Variants in FAM222A observed in about 807,000 individuals in gnomAD.
The protein encoded by FAM222A is protein FAM222A.
Under a neutral mutation model 25.8 loss-of-function variants are expected in FAM222A, and 7 were observed. The ratio of observed to expected loss-of-function variants is 0.27; its 90% CI spans 0.15 to 0.51. The LOEUF (loss-of-function observed/expected upper bound fraction) is 0.51. Ranked by LOEUF, FAM222A falls within the 20% of genes least tolerant of loss-of-function variation. The pLI, the probability that FAM222A is intolerant of heterozygous loss-of-function variation, is 0.97. For synonymous variants in FAM222A, 294 were observed against 298.8 expected (o/e 0.98, Z 0.17); for missense variants, 573 against 640.5 (o/e 0.89, Z 1.14).
intron 2 of FAM222A, among the ~76,000 whole-genome samples, chr12:109,752,255 C>T (rs985768007): frequency 6.6e-6 from 1 of 152,240 alleles, no homozygotes; most frequent in East Asian, 1.9e-4. Flanking sequence ...GCTTCCCCCG[C>T]CCATTCAGAT....
chr12:109,729,025 C>T (rs867838435), intron 1 of FAM222A, among the ~76,000 whole-genome samples: 27 of 151,278 alleles, frequency 1.8e-4, no homozygotes, highest in African/African-American at 6.6e-4. Flanking sequence ...CACATGGCTG[C>T]CCAGGACACC....
rs147872744 is a variant in FAM222A, at chr12:109,743,947, C to T, written c.-46-154C>T. ...AGATGGGCCTCTTGATGCCTCAGGC[C>T]TTGGTCCCCTCATTGGTCGAATAAG... is the stretch of plus-strand genomic sequence containing the variant. On this transcript the variant is annotated intron_variant, in intron 1 of 2. Transcript: ENST00000538780. The T allele has an allele frequency of 7.1e-4, 696 of 985,414 alleles. 5 individuals carry two copies. The African/African-American group carries it at 0.012, about 16-fold the overall frequency. The allele number at this position is 985,414 out of a possible 1,614,324, so 61.0% of individuals were successfully genotyped here.
rs148136763 is a variant in FAM222A at position 109,769,093 on chromosome 12, C to G, written c.1164C>G (p.Leu388=). Residue 388 remains leucine (L), a synonymous_variant, in exon 3 of 3, where the codon CTC becomes CTG. Transcript: ENST00000538780. The part of the protein sequence containing the change: ...RELAGPPADA[L]SGLPSKSVCN... ...TGGCTGGGCCCCCTGCAGATGCCCT[C>G]TCGGGCCTGCCCAGCAAGAGTGTGT... 4 of 1,607,326 alleles carry G rather than the reference C, an allele frequency of 2.5e-6. No individual in the cohort carries two copies. Among genetic ancestry groups the G allele is most frequent in the East Asian group, 2.2e-5 (1 of 44,684 alleles).
At chr12:109,758,246 G>A (rs1247233952) in intron 2 of FAM222A, among the ~76,000 whole-genome samples, 1 of 152,158 alleles carries the variant, frequency 6.6e-6, no homozygotes, top group East Asian at 1.9e-4. Context: ...ATGAGAGGCA[G>A]GGTCCTTTGT....
intron 1 of FAM222A, among the ~76,000 whole-genome samples, chr12:109,717,349 T>G (rs1887663901): frequency 6.6e-6 from 1 of 152,142 alleles, no homozygotes; most frequent in Non-Finnish European, 1.5e-5. Flanking sequence ...TGGGCTTGCT[T>G]GGAGGGAGGC....
At chr12:109,720,319 C>A in intron 1 of FAM222A, 1 of 485,190 alleles carries the variant, frequency 2.1e-6, no homozygotes, top group Non-Finnish European at 2.7e-6. Context: ...CTTAATGACC[C>A]AGAGTCTGTG....
rs1474328918 is a variant in FAM222A at position 109,770,086 on chromosome 12, G to A, written c.*798G>A. ...CAATTTTCTGCATCTTGAGGAAGGGGCGTCATTTTCCTGTTCGCACAAAGG... is the reference window on the plus strand; with the variant it reads ...CAATTTTCTGCATCTTGAGGAAGGGACGTCATTTTCCTGTTCGCACAAAGG... On this transcript the variant is annotated 3_prime_UTR_variant, in exon 3 of 3. Coordinates refer to ENST00000538780, the MANE Select transcript of FAM222A (RefSeq NM_032829.3). The A allele has an allele frequency of 6.6e-6, 1 of 152,262 alleles. No homozygotes were observed. Among genetic ancestry groups the A allele is most frequent in the East Asian group, 1.9e-4 (1 of 5,198 alleles). The allele number at this position is 152,262 out of a possible 1,614,324, so 9.4% of individuals were successfully genotyped here.
intron 1 of FAM222A, among the ~76,000 whole-genome samples, chr12:109,727,042 C>T (rs1253003223): frequency 6.6e-6 from 1 of 152,142 alleles, no homozygotes; most frequent in Non-Finnish European, 1.5e-5. Flanking sequence ...GGCTCCTGCC[C>T]AGGTTCCTCG....
chr12:109,740,283 G>A (rs1888203368), intron 1 of FAM222A, among the ~76,000 whole-genome samples: 1 of 152,150 alleles, frequency 6.6e-6, no homozygotes, highest in Non-Finnish European at 1.5e-5. Context: ...TTCCTCGGGT[G>A]TCTCCGAGAT....
At chr12:109,740,431 T>C (rs1379585276) in intron 1 of FAM222A, among the ~76,000 whole-genome samples, 2 of 152,188 alleles carry the variant, frequency 1.3e-5, no homozygotes, top group Non-Finnish European at 2.9e-5. Context: ...CAGTCTGATT[T>C]GCAGATAGGG....
chr12:109,744,531 T>C (rs1351804976), intron 2 of FAM222A: 1 of 985,390 alleles, frequency 1.0e-6, no homozygotes, highest in Non-Finnish European at 1.2e-6. Context: ...CACCATTATC[T>C]AGCCATGTGT....
At chr12:109,718,068 C>T (rs1300895389) in intron 1 of FAM222A, among the ~76,000 whole-genome samples, 1 of 152,188 alleles carries the variant, frequency 6.6e-6, no homozygotes, top group African/African-American at 2.4e-5. Flanking sequence ...GTGAGAAGGA[C>T]CATAGCACTC....
At chr12:109,760,275 G>A (rs960613955) in intron 2 of FAM222A, among the ~76,000 whole-genome samples, 4 of 152,168 alleles carry the variant, frequency 2.6e-5, no homozygotes, top group African/African-American at 4.8e-5. Flanking sequence ...ATACAGACCC[G>A]GAGAGCAGTC....
chr12:109,751,539 G>A (rs1888559040), intron 2 of FAM222A, among the ~76,000 whole-genome samples: 1 of 152,196 alleles, frequency 6.6e-6, no homozygotes, highest in African/African-American at 2.4e-5. Flanking sequence ...TCAGGTTGGG[G>A]AAAAGCCAGG....
chr12:109,758,662 G>A (rs1015248400), intron 2 of FAM222A, among the ~76,000 whole-genome samples: 1 of 152,108 alleles, frequency 6.6e-6, no homozygotes, highest in East Asian at 1.9e-4. Context: ...ACTCCTGGGC[G>A]ACCTCATTAG....
intron 1 of FAM222A, among the ~76,000 whole-genome samples, chr12:109,720,789 C>T (rs1224797710): frequency 6.6e-6 from 1 of 152,232 alleles, no homozygotes; most frequent in Admixed American, 6.5e-5. Context: ...ACCCCCTCAG[C>T]CACCCAACAA....
At chr12:109,716,485 G>A (rs532775327) in intron 1 of FAM222A, among the ~76,000 whole-genome samples, 5 of 152,298 alleles carry the variant, frequency 3.3e-5, no homozygotes, top group South Asian at 2.1e-4. Context: ...AATAAATATC[G>A]GTGGAGCTGC....
intron 1 of FAM222A, among the ~76,000 whole-genome samples, chr12:109,715,587 C>T (rs1207864328): frequency 6.6e-6 from 1 of 152,098 alleles, no homozygotes. Flanking sequence ...AAGGCGGACT[C>T]CCCCCACCCC....
At chr12:109,720,213 C>A in intron 1 of FAM222A, 3 of 983,594 alleles carry the variant, frequency 3.1e-6, no homozygotes, top group Non-Finnish European at 3.6e-6. Context: ...TGCTATTGTG[C>A]AGAGGGCACA....
Sources: allele counts gnomAD v4.1 joint callset (sites outside exome capture counted in the v4.1 genomes callset), GRCh38; gene constraint gnomAD v4.1.1; transcripts MANE v1.5; gene names NCBI Gene and HGNC (gene_info 2026-07-23, HGNC 2026-07-21).